Variants in EPM2A observed in about 807,000 individuals in gnomAD.
EPM2A encodes EPM2A glucan phosphatase, laforin.
In EPM2A, 21 loss-of-function variants were observed where a neutral mutation model predicts 26.5. The ratio of observed to expected loss-of-function variants is 0.79; its 90% CI spans 0.56 to 1.14. The LOEUF is 1.14. EPM2A is among the 50% of genes most tolerant of loss of function. The probability of loss-of-function intolerance (pLI) is 0.00; values close to 1 mark genes in which losing one functional copy is unlikely to be tolerated. For missense variants in EPM2A, 458 were observed against 440.8 expected, an observed-to-expected ratio of 1.04 and a Z score of -0.35; for synonymous variants, 217 against 177.6, an observed-to-expected ratio of 1.22 and a Z score of -1.76.
intron 2 of EPM2A, among the ~76,000 whole-genome samples, chr6:145,590,583 A>G (rs1234317815): frequency 6.6e-6 from 1 of 152,126 alleles, no homozygotes; most frequent in African/African-American, 2.4e-5. Flanking sequence ...TCCCTATATA[A>G]TAATAATAGA....
chr6:145,579,607 C>A (rs888295661), intron 2 of EPM2A, among the ~76,000 whole-genome samples: 1 of 152,024 alleles, frequency 6.6e-6, no homozygotes, highest in Admixed American at 6.6e-5. Flanking sequence ...TTAAAAGTGC[C>A]TTTTTTATAG....
chr6:145,395,546 C>T (rs1778394065), intron 4 of EPM2A, among the ~76,000 whole-genome samples: 1 of 152,120 alleles, frequency 6.6e-6, no homozygotes, highest in Admixed American at 6.5e-5. Flanking sequence ...TCTCACTATA[C>T]ATGTTCCTTA....
intron 2 of EPM2A, among the ~76,000 whole-genome samples, chr6:145,546,224 C>A (rs1025014957): frequency 1.3e-5 from 2 of 152,116 alleles, no homozygotes; most frequent in African/African-American, 2.4e-5. Context: ...GAGGCCTAAG[C>A]ACCTGGGAAG....
At chr6:145,701,784 CTGATT>C (rs765849854) in intron 1 of EPM2A, among the ~76,000 whole-genome samples, 8 of 152,164 alleles carry the variant, frequency 5.3e-5, no homozygotes, top group Non-Finnish European at 1.2e-4. Context: ...ACATCTCCAC[CTGATT>C]TAATTCAAAA....
intron 2 of EPM2A, among the ~76,000 whole-genome samples, chr6:145,674,197 T>C (rs910620778): frequency 6.6e-6 from 1 of 152,116 alleles, no homozygotes; most frequent in African/African-American, 2.4e-5. Context: ...GACCTGAAGC[T>C]GAGGGACCTA....
chr6:145,593,320 A>G (rs1306196529), intron 2 of EPM2A, among the ~76,000 whole-genome samples: 2 of 152,142 alleles, frequency 1.3e-5, no homozygotes, highest in Non-Finnish European at 2.9e-5. Flanking sequence ...GTAAACTGCA[A>G]GAAGAAATAG....
At chr6:145,548,513 C>T (rs955958033) in intron 2 of EPM2A, among the ~76,000 whole-genome samples, 1 of 152,078 alleles carries the variant, frequency 6.6e-6, no homozygotes, top group Non-Finnish European at 1.5e-5. Flanking sequence ...TAACTCATAA[C>T]AACCTTGAAG....
At chr6:145,710,793 A>T (rs1216588730) in intron 1 of EPM2A, among the ~76,000 whole-genome samples, 2 of 152,234 alleles carry the variant, frequency 1.3e-5, no homozygotes, top group East Asian at 1.9e-4. Flanking sequence ...ATGCAGCCAC[A>T]AAAAATAATG....
At position 145,434,725 on chromosome 6, in the gene EPM2A, C is replaced by T. The variant is rs114969108; in HGVS notation, c.556-50628G>A. 4.1e-3 allele frequency among the ~76,000 whole-genome samples: 621 copies of T among 152,228 alleles called. 3 individuals are homozygous for T. The highest frequency in any genetic ancestry group is 0.014 in the African/African-American group (585 of 41,532). On this transcript the variant is annotated intron_variant, in intron 4 of 4. Transcript: ENST00000638717. Reference sequence around the variant, plus strand: ...ACACCACCACTATCTAATGCCAGGGCGTTTCTATTACTCCCAAAGAAACTC... The same window carrying T: ...ACACCACCACTATCTAATGCCAGGGTGTTTCTATTACTCCCAAAGAAACTC...
chr6:145,500,194 T>C (rs1779871190), downstream of EPM2A, among the ~76,000 whole-genome samples: 1 of 152,224 alleles, frequency 6.6e-6, no homozygotes, highest in African/African-American at 2.4e-5. Context: ...TATATGGATG[T>C]TCCAACTATT....
At position 145,531,652 on chromosome 6, in the gene EPM2A, T is replaced by A. The variant is rs574003037; in HGVS notation, c.341-29077A>T. Among the ~76,000 whole-genome samples, 3 of 152,284 alleles carry A rather than the reference T, an allele frequency of 2.0e-5. No individual in the cohort carries two copies. In the South Asian group the frequency reaches 6.2e-4, roughly 32 times the overall value. ...CAGCACAATGCATCACACCATACTA[T>A]GGCATAGCTAAGACCCAACCCGGTA... On this transcript the variant is annotated intron_variant, in intron 2 of 3. Transcript: ENST00000450221.
At chr6:145,589,855 G>A (rs994506089) in intron 2 of EPM2A, among the ~76,000 whole-genome samples, 2 of 149,290 alleles carry the variant, frequency 1.3e-5, no homozygotes, top group African/African-American at 5.0e-5. Context: ...GGTACCCTTT[G>A]GGGAGCAGGA....
In EPM2A at chr6:145,603,802, C is replaced by A. The variant is rs1259641918; in HGVS notation, c.340+31443G>T. 3.9e-5 allele frequency among the ~76,000 whole-genome samples: 6 copies of A among 152,206 alleles called. No individual in the cohort carries two copies. In the East Asian group the frequency reaches 1.2e-3, roughly 29 times the overall value. ...CACATGTTTATTGAACTGATCTATG[C>A]CATTAACTGGAAATTAGTATCTCTG... On this transcript the variant is annotated intron_variant, in intron 2 of 3. Transcript: ENST00000450221.
chr6:145,563,176 GTTCGACAT>G (rs1280254525), intron 2 of EPM2A, among the ~76,000 whole-genome samples: 1 of 151,662 alleles, frequency 6.6e-6, no homozygotes, highest in African/African-American at 2.4e-5. Context: ...GGGCTGTATG[GTTCGACAT>G]TTCCCCTGTA....
At chr6:145,468,659 G>T (rs1779431883) in intron 4 of EPM2A, among the ~76,000 whole-genome samples, 1 of 151,972 alleles carries the variant, frequency 6.6e-6, no homozygotes, top group Non-Finnish European at 1.5e-5. Flanking sequence ...TAAATCTAAG[G>T]CCTCAAACTA....
intron 4 of EPM2A, among the ~76,000 whole-genome samples, chr6:145,405,266 G>A (rs961771003): frequency 6.6e-6 from 1 of 152,116 alleles, no homozygotes; most frequent in Non-Finnish European, 1.5e-5. Flanking sequence ...CAAGTTGTTA[G>A]ACAAACACAC....
intron 4 of EPM2A, among the ~76,000 whole-genome samples, chr6:145,476,556 A>G (rs549771251): frequency 3.5e-4 from 54 of 152,226 alleles, no homozygotes; most frequent in African/African-American, 1.3e-3. Context: ...GTTAGATCAC[A>G]AAACAAGTCT....
At chr6:145,735,144 G>A in intron 1 of EPM2A, 54 bp downstream of exon 1, 1 of 1,361,334 alleles carries the variant, frequency 7.3e-7, no homozygotes. Context: ...CCCGGTTGGG[G>A]GTGCGGGCCG....
chr6:145,628,640 A>T (rs554833091), intron 3 of EPM2A: 7 of 152,334 alleles, frequency 4.6e-5, no homozygotes, highest in African/African-American at 1.7e-4. Flanking sequence ...AGGGCTCATG[A>T]CTTGGCATTC....
Sources: gnomAD v4.1 joint callset for allele counts (sites outside exome capture counted in the v4.1 genomes callset) on GRCh38, gnomAD v4.1.1 for gene constraint, MANE v1.5 for transcripts, NCBI Gene and HGNC (gene_info 2026-07-23, HGNC 2026-07-21) for gene names.